NTNG2: variants seen among roughly 807,000 people sequenced by gnomAD.
NTNG2 encodes the protein netrin-G2.
In NTNG2, 15 loss-of-function variants were observed where a neutral mutation model predicts 47.6. That is an observed-to-expected ratio of 0.32 (90% CI 0.21 to 0.49). NTNG2 has a LOEUF of 0.49. Among genes scored for constraint, NTNG2 ranks in the 20% least tolerant of loss-of-function variants. The pLI is 0.99. For missense variants in NTNG2, 578 were observed against 764.6 expected (o/e 0.76, Z 2.88); for synonymous variants, 307 against 324.6 (o/e 0.95, Z 0.58).
intron 2 of NTNG2, among the ~76,000 whole-genome samples, chr9:132,194,949 A>G (rs748300477): frequency 6.6e-6 from 1 of 152,230 alleles, no homozygotes; most frequent in Non-Finnish European, 1.5e-5. Context: ...CATGGGGGCC[A>G]AACAGCTCAT....
chr9:132,182,092 C>G lies in NTNG2; in HGVS notation c.213+15048C>G, dbSNP rs553474244. On this transcript the variant is annotated intron_variant, in intron 2 of 7. Transcript: ENST00000393229. The surrounding 1 kb of genome is among the most constrained non-coding windows in gnomAD (Gnocchi z 4.2). ...GGAGGAGTGACGGTGTTCCCCACCC[C>G]CTGCCCTTTGAGACACAATGGAGTC... 5.3e-5 allele frequency among the ~76,000 whole-genome samples: 8 copies of G among 152,350 alleles called. No individual in the cohort carries two copies. The highest frequency in any genetic ancestry group is 1.4e-4 in the African/African-American group (6 of 41,590).
chr9:132,182,393 C>G lies in NTNG2; in HGVS notation c.213+15349C>G, dbSNP rs1427756155. Among the ~76,000 whole-genome samples, 4 of 152,166 alleles carry G rather than the reference C, an allele frequency of 2.6e-5. No individual in the cohort carries two copies. The highest frequency in any genetic ancestry group is 9.7e-5 in the African/African-American group (4 of 41,444). On this transcript the variant is annotated intron_variant, in intron 2 of 7. Transcript: ENST00000393229. This position sits in a 1 kb window ranked among gnomAD's most constrained non-coding sequence, Gnocchi z 4.2. ...GCACGGGGCAGCCCTACCCTCCTGCCCAGTTCCCCTCCCCTGCACTGGGTT... is the reference window on the plus strand; with the variant it reads ...GCACGGGGCAGCCCTACCCTCCTGCGCAGTTCCCCTCCCCTGCACTGGGTT...
chr9:132,231,506 G>A lies in NTNG2; in HGVS notation c.1054+911G>A, dbSNP rs1295657944. 3.1e-5 allele frequency: 11 copies of A among 358,516 alleles called. No homozygotes were observed. Among genetic ancestry groups the A allele is most frequent in the East Asian group, 1.6e-4 (2 of 12,386 alleles). 22.2% of individuals were successfully genotyped at this position (358,516 alleles called of 1,614,324 possible). Reference sequence around the variant, plus strand: ...CAGGGGGCCCCTGGCTGGGAAGCCAGTGAGCCGAGAGGGCGCCAGAAAGAA... The same window carrying A: ...CAGGGGGCCCCTGGCTGGGAAGCCAATGAGCCGAGAGGGCGCCAGAAAGAA... On this transcript the variant is annotated intron_variant, in intron 5 of 7. Coordinates refer to ENST00000393229, the MANE Select transcript of NTNG2 (RefSeq NM_032536.4). This position sits in a 1 kb window ranked among gnomAD's most constrained non-coding sequence, Gnocchi z 4.1.
intron 3 of NTNG2, among the ~76,000 whole-genome samples, chr9:132,222,682 C>G (rs538996743): frequency 1.3e-5 from 2 of 152,136 alleles, no homozygotes; most frequent in African/African-American, 4.8e-5. Flanking sequence ...TTCCTGAGTG[C>G]CCCCTCTCCC....
In NTNG2 at chr9:132,163,757, C is replaced by T. The variant is rs1043907440; in HGVS notation, c.-484+1518C>T. The stretch of plus-strand genomic sequence containing the variant: ...CTCCAAGAGGAACCTGCTGGCGAGC[C>T]CAGCCAGCTCGGGAGGCGCTAATTC... On this transcript the variant is annotated intron_variant, in intron 1 of 7. Coordinates refer to ENST00000393229, the MANE Select transcript of NTNG2 (RefSeq NM_032536.4). This position sits in a 1 kb window ranked among gnomAD's most constrained non-coding sequence, Gnocchi z 7.2. 6.6e-6 allele frequency among the ~76,000 whole-genome samples: 1 copy of T among 152,230 alleles called. No individual in the cohort carries two copies. Among genetic ancestry groups the T allele is most frequent in the African/African-American group, 2.4e-5 (1 of 41,458 alleles).
rs576454643 is a variant in NTNG2 at position 132,242,389 on chromosome 9, CTTTT to C, written c.*292_*295del. On this transcript the variant is annotated 3_prime_UTR_variant, in exon 8 of 8. Coordinates refer to ENST00000393229, the MANE Select transcript of NTNG2 (RefSeq NM_032536.4). The surrounding 1 kb of genome is among the most constrained non-coding windows in gnomAD (Gnocchi z 5.9). ...TCCTTTTTTGTCTTTCTCTCTCTCT[CTTTT>C]TTTTTTTTTTTTTCTGGCGGTGAGC... 3.0e-5 allele frequency: 4 copies of C among 134,212 alleles called. No homozygotes were observed. The highest frequency in any genetic ancestry group is 4.7e-5 in the Non-Finnish European group (3 of 64,418). The allele number at this position is 134,212 out of a possible 1,614,324, so 8.3% of individuals were successfully genotyped here.
chr9:132,205,022 G>A (rs1244068862), intron 3 of NTNG2, among the ~76,000 whole-genome samples: 1 of 152,198 alleles, frequency 6.6e-6, no homozygotes, highest in Non-Finnish European at 1.5e-5. Flanking sequence ...TGCATTGCTG[G>A]TGGGAACAAA....
intron 2 of NTNG2, among the ~76,000 whole-genome samples, chr9:132,178,997 C>T (rs538154441): frequency 5.7e-4 from 77 of 134,866 alleles, no homozygotes; most frequent in African/African-American, 2.1e-3. Flanking sequence ...TGATGAGGCA[C>T]ATCCCCCCCT....
At chr9:132,210,302 G>A (rs541396212) in intron 3 of NTNG2, among the ~76,000 whole-genome samples, 11 of 152,240 alleles carry the variant, frequency 7.2e-5, no homozygotes, top group Non-Finnish European at 1.3e-4. Flanking sequence ...GCCCGCTCAA[G>A]TCCCAGTACT....
At chr9:132,241,192 A>T in intron 7 of NTNG2, 148 bp downstream of exon 7, 3 of 468,598 alleles carry the variant, frequency 6.4e-6, no homozygotes, top group Admixed American at 7.0e-5. Context: ...GGTGGGGCCT[A>T]GTGGGACGGG....
chr9:132,206,396 G>C (rs1209247091), intron 3 of NTNG2, among the ~76,000 whole-genome samples: 27 of 152,224 alleles, frequency 1.8e-4, no homozygotes, highest in Non-Finnish European at 1.5e-5. Flanking sequence ...GCCGGGCGTG[G>C]TGGCTCACGC....
At chr9:132,177,218 C>T (rs1418321533) in intron 2 of NTNG2, among the ~76,000 whole-genome samples, 1 of 152,244 alleles carries the variant, frequency 6.6e-6, no homozygotes, top group Non-Finnish European at 1.5e-5. Flanking sequence ...AACTCCTGGC[C>T]TCAAACGATC....
chr9:132,199,770 C>A (rs116083242), intron 3 of NTNG2, among the ~76,000 whole-genome samples: 4 of 152,178 alleles, frequency 2.6e-5, no homozygotes, highest in African/African-American at 9.7e-5. Flanking sequence ...GAAACCAGGC[C>A]GGAGTCAGAT....
In NTNG2 at chr9:132,162,797, C is replaced by A. The variant is rs1835171696; in HGVS notation, c.-484+558C>A. On this transcript the variant is annotated intron_variant, in intron 1 of 7. Transcript: ENST00000393229. The surrounding 1 kb of genome is among the most constrained non-coding windows in gnomAD (Gnocchi z 4.6). ...TTGCACAGAGAAACTCCCGGCCAGTCCGGCTGGAAACTTCTCCCGGCGCCG... is the reference window on the plus strand; with the variant it reads ...TTGCACAGAGAAACTCCCGGCCAGTACGGCTGGAAACTTCTCCCGGCGCCG... Among the ~76,000 whole-genome samples, 2 of 151,800 alleles carry A rather than the reference C, an allele frequency of 1.3e-5. No individual in the cohort carries two copies. Among genetic ancestry groups the A allele is most frequent in the Non-Finnish European group, 2.9e-5 (2 of 67,940 alleles).
At chr9:132,168,745 C>T (rs763622474) in intron 2 of NTNG2, among the ~76,000 whole-genome samples, 1 of 152,158 alleles carries the variant, frequency 6.6e-6, no homozygotes, top group Non-Finnish European at 1.5e-5. Context: ...TCTCCACACG[C>T]TCTCGGGCAC....
intron 2 of NTNG2, among the ~76,000 whole-genome samples, chr9:132,190,735 C>T (rs924384571): frequency 5.9e-5 from 9 of 152,308 alleles, no homozygotes; most frequent in Middle Eastern, 3.4e-3. Context: ...GTGCCCATGA[C>T]GAGGCTTGAA....
chr9:132,190,157 CG>C (rs1837761887), intron 2 of NTNG2, among the ~76,000 whole-genome samples: 1 of 136,690 alleles, frequency 7.3e-6, no homozygotes, highest in African/African-American at 2.8e-5. Context: ...GGTGTGAACC[CG>C]GGAGGCAGAG....
intron 2 of NTNG2, among the ~76,000 whole-genome samples, chr9:132,174,371 TGGAC>T (rs1277637883): frequency 5.1e-5 from 7 of 137,544 alleles, no homozygotes; most frequent in African/African-American, 1.2e-4. Flanking sequence ...GACGGACAGA[TGGAC>T]GGACGGACAG....
At position 132,236,996 on chromosome 9, in the gene NTNG2, G is replaced by C. The variant is rs1410767978; in HGVS notation, c.1055-2108G>C. Among the ~76,000 whole-genome samples, 1 of 152,242 alleles carries C rather than the reference G, an allele frequency of 6.6e-6. No homozygotes were observed. The highest frequency in any genetic ancestry group is 2.4e-5 in the African/African-American group (1 of 41,464). ...GGTTTGATGCTCCAGGAAGTTTGGA[G>C]AGGCGGTGGGGAGAGCAAGAGACGG... On this transcript the variant is annotated intron_variant, in intron 5 of 7. Coordinates refer to ENST00000393229, the MANE Select transcript of NTNG2 (RefSeq NM_032536.4). This position sits in a 1 kb window ranked among gnomAD's most constrained non-coding sequence, Gnocchi z 4.3.
Sources: gnomAD v4.1 joint callset for allele counts (sites outside exome capture counted in the v4.1 genomes callset) on GRCh38, gnomAD v4.1.1 for gene constraint, Gnocchi (gnomAD v3.1) non-coding constraint, MANE v1.5 for transcripts, NCBI Gene and HGNC (gene_info 2026-07-23, HGNC 2026-07-21) for gene names.